Variants in ARB2A observed in about 807,000 individuals in gnomAD.
ARB2A encodes the protein ARB2 cotranscriptional regulator A.
the ARB2A span, among the ~76,000 whole-genome samples, chr5:93,692,399 T>C: frequency 6.6e-6 from 1 of 152,154 alleles, no homozygotes; most frequent in East Asian, 1.9e-4. Context: ...GTTGCAATCC[T>C]AGTCTCTGAT....
the ARB2A span, among the ~76,000 whole-genome samples, chr5:93,913,906 G>C: frequency 6.6e-6 from 1 of 151,886 alleles, no homozygotes; most frequent in East Asian, 1.9e-4. Flanking sequence ...AATGCAAAAT[G>C]AGTTTAATTA....
the ARB2A span, among the ~76,000 whole-genome samples, chr5:94,065,254 C>A: frequency 6.6e-6 from 1 of 152,196 alleles, no homozygotes; most frequent in African/African-American, 2.4e-5. Context: ...TGGCTCACGC[C>A]TGTAATCTCA....
At chr5:93,746,800 A>G in the ARB2A span, among the ~76,000 whole-genome samples, 2 of 152,220 alleles carry the variant, frequency 1.3e-5, no homozygotes, top group African/African-American at 2.4e-5. Context: ...GGAATTTTAA[A>G]TATCTGTAAA....
chr5:93,777,337 A>T, the ARB2A span, among the ~76,000 whole-genome samples: 6 of 152,180 alleles, frequency 3.9e-5, no homozygotes, highest in Non-Finnish European at 8.8e-5. Context: ...CCATCTGGTG[A>T]GTTGTAGCTG....
chr5:94,009,794 T>C, the ARB2A span, among the ~76,000 whole-genome samples: 1 of 152,056 alleles, frequency 6.6e-6, no homozygotes, highest in East Asian at 1.9e-4. Flanking sequence ...TTGTCCATTA[T>C]ATCCAAGTTG....
At chr5:93,679,466 A>T in the ARB2A span, among the ~76,000 whole-genome samples, 1 of 152,128 alleles carries the variant, frequency 6.6e-6, no homozygotes. Flanking sequence ...GGAATTAAAA[A>T]TGATATACTT....
At chr5:93,786,337 A>G in the ARB2A span, among the ~76,000 whole-genome samples, 1 of 152,198 alleles carries the variant, frequency 6.6e-6, no homozygotes, top group Non-Finnish European at 1.5e-5. Flanking sequence ...AGGGACTACT[A>G]GAGGAAAATA....
the ARB2A span, among the ~76,000 whole-genome samples, chr5:93,971,817 C>T: frequency 6.6e-6 from 1 of 151,994 alleles, no homozygotes; most frequent in Non-Finnish European, 1.5e-5. Flanking sequence ...TAGTGCCCCA[C>T]CAGGTCTCAG....
the ARB2A span, among the ~76,000 whole-genome samples, chr5:94,053,606 CTT>C: frequency 2.6e-5 from 4 of 151,966 alleles, no homozygotes; most frequent in African/African-American, 7.2e-5. Flanking sequence ...AATAAAGAAA[CTT>C]ATAAATGTAA....
the ARB2A span, among the ~76,000 whole-genome samples, chr5:94,001,425 T>C: frequency 6.6e-6 from 1 of 152,038 alleles, no homozygotes; most frequent in Non-Finnish European, 1.5e-5. Flanking sequence ...TATTCCTTTC[T>C]CTCTCTTCCG....
chr5:94,022,001 G>A, the ARB2A span, among the ~76,000 whole-genome samples: 3 of 152,102 alleles, frequency 2.0e-5, no homozygotes, highest in African/African-American at 7.2e-5. Flanking sequence ...AACTTGGGAG[G>A]CGGAGGTTAC....
chr5:93,900,096 T>A, the ARB2A span, among the ~76,000 whole-genome samples: 1 of 152,194 alleles, frequency 6.6e-6, no homozygotes, highest in African/African-American at 2.4e-5. Context: ...AATCCATAAA[T>A]CAATTAATCA....
At chr5:93,648,888 C>T in the ARB2A span, among the ~76,000 whole-genome samples, 1 of 151,984 alleles carries the variant, frequency 6.6e-6, no homozygotes, top group African/African-American at 2.4e-5. Flanking sequence ...AGATTGTTAA[C>T]CTATGGAAAT....
At chr5:94,092,890 T>C in the ARB2A span, among the ~76,000 whole-genome samples, 1 of 152,162 alleles carries the variant, frequency 6.6e-6, no homozygotes, top group African/African-American at 2.4e-5. Context: ...TATGGGTAAA[T>C]TCATTGTTTA....
At chr5:93,664,001 G>A in the ARB2A span, among the ~76,000 whole-genome samples, 1 of 151,914 alleles carries the variant, frequency 6.6e-6, no homozygotes, top group African/African-American at 2.4e-5. Context: ...AAGGGTTCAT[G>A]TATCAATAGT....
the ARB2A span, among the ~76,000 whole-genome samples, chr5:93,842,572 A>G: frequency 9.2e-5 from 14 of 152,128 alleles, no homozygotes; most frequent in African/African-American, 3.1e-4. Flanking sequence ...GAAAAAAATG[A>G]CAACATTTTG....
chr5:93,741,759 C>T, the ARB2A span: 22 of 561,940 alleles, frequency 3.9e-5, no homozygotes, highest in African/African-American at 3.6e-4. Flanking sequence ...AGTGAGCCCC[C>T]TACCCTGACC....
the ARB2A span, among the ~76,000 whole-genome samples, chr5:93,916,285 AAGTG>A: frequency 6.6e-6 from 1 of 152,104 alleles, no homozygotes; most frequent in Non-Finnish European, 1.5e-5. Flanking sequence ...GGCAATAACT[AAGTG>A]AGAAACAGAA....
chr5:93,858,585 C>G, the ARB2A span, among the ~76,000 whole-genome samples: 1 of 152,190 alleles, frequency 6.6e-6, no homozygotes, highest in Admixed American at 6.5e-5. Context: ...CTGCCATTCG[C>G]CATCTTAACA....
Sources: allele counts gnomAD v4.1 joint callset (sites outside exome capture counted in the v4.1 genomes callset), GRCh38; gene constraint gnomAD v4.1.1; transcripts MANE v1.5; gene names NCBI Gene and HGNC (gene_info 2026-07-23, HGNC 2026-07-21).